The following PCDH11Y variants were observed in gnomAD, a reference collection of about 807,000 sequenced individuals.
PCDH11Y encodes the protein protocadherin-11 Y-linked.
For synonymous variants in PCDH11Y, 9 were observed against 83.6 expected (o/e 0.11, Z 4.87); for missense variants, 12 against 224.8 (o/e 0.05, Z 6.05).
exon 1 of PCDH11Y, chrY:5,056,797 A>C (rs2052661328): frequency 2.6e-6 from 1 of 382,983 alleles, no homozygotes; most frequent in Non-Finnish European, 3.7e-6. Context: ...TACTGATTTT[A>C]ATTTAAAACA....
intron 2 of PCDH11Y, among the ~76,000 whole-genome samples, chrY:5,438,528 C>T (rs2053277352): frequency 6.0e-5 from 2 of 33,298 alleles, no homozygotes; most frequent in East Asian, 1.6e-3. Context: ...AACAATCTGA[C>T]TTCATAGATC....
chrY:5,634,213 CAA>C (rs200817422), intron 4 of PCDH11Y, among the ~76,000 whole-genome samples: 7 of 10,845 alleles, frequency 6.5e-4, no homozygotes, highest in Non-Finnish European at 9.4e-4. Flanking sequence ...GATTCCACCT[CAA>C]AAAAAAAAAA....
At chrY:5,581,905 A>G in intron 4 of PCDH11Y, 107 bp downstream of exon 5, 1 of 223,104 alleles carries the variant, frequency 4.5e-6, no homozygotes, top group African/African-American at 8.3e-5. Context: ...CTCATAAAAC[A>G]TCAACTGTTT....
At chrY:5,037,986 C>G in intron 3 of PCDH11Y, among the ~76,000 whole-genome samples, 2 of 32,436 alleles carry the variant, frequency 6.2e-5, no homozygotes, top group Admixed American at 5.8e-4. Context: ...TATGATAATA[C>G]GAAAAGTGTT....
intron 2 of PCDH11Y, among the ~76,000 whole-genome samples, chrY:5,468,598 C>T (rs2053310238): frequency 1.1e-3 from 33 of 31,106 alleles, no homozygotes; most frequent in Admixed American, 3.0e-3. Context: ...TTCTCAATAG[C>T]GAGTGGAATG....
At chrY:5,531,212 A>G in intron 3 of PCDH11Y, among the ~76,000 whole-genome samples, 1 of 32,577 alleles carries the variant, frequency 3.1e-5, no homozygotes, top group Non-Finnish European at 7.5e-5. Flanking sequence ...ATATTGGTGT[A>G]TACCTAAACT....
At chrY:5,315,512 C>T in intron 2 of PCDH11Y, among the ~76,000 whole-genome samples, 1 of 33,730 alleles carries the variant, frequency 3.0e-5, no homozygotes, top group Admixed American at 2.7e-4. Flanking sequence ...TTTTGCCATT[C>T]TTCCATCAAC....
At chrY:5,192,351 A>AC (rs34420624) in intron 2 of PCDH11Y, among the ~76,000 whole-genome samples, 47 of 31,827 alleles carry the variant, frequency 1.5e-3, no homozygotes, top group African/African-American at 5.5e-3. Context: ...AAAAAGGAAG[A>AC]CCCCCCCTAG....
chrY:5,212,497 A>T lies in PCDH11Y; in HGVS notation c.3129+111790A>T, dbSNP rs1602887150. 9.4e-5 allele frequency among the ~76,000 whole-genome samples: 3 copies of T among 32,009 alleles called. No individual in the cohort carries two copies. The East Asian group carries it at 2.4e-3, about 26-fold the overall frequency. The allele number at this position is 32,009 out of a possible 37,273, so 85.9% of individuals were successfully genotyped here. A position where few individuals can be genotyped will look rare whatever the true frequency, so the allele number is the denominator to read the frequency against. On this transcript the variant is annotated intron_variant, in intron 2 of 4. Transcript: ENST00000400457. The stretch of plus-strand genomic sequence containing the variant: ...ATCTGGAGAGAAACCATTCTTATTC[A>T]TCTTTGTATCTCCCATGATATAATG...
intron 2 of PCDH11Y, among the ~76,000 whole-genome samples, chrY:5,219,331 C>CA (rs2052950063): frequency 3.1e-5 from 1 of 32,531 alleles, no homozygotes; most frequent in African/African-American, 1.2e-4. Context: ...ATCCCCCCCC[C>CA]ACAGTTTACA....
chrY:5,435,470 T>C (rs2053273987), intron 2 of PCDH11Y, among the ~76,000 whole-genome samples: 25 of 30,954 alleles, frequency 8.1e-4, no homozygotes, highest in Admixed American at 1.2e-3. Flanking sequence ...CCCGCCACCA[T>C]GCCCAGCTAA....
At chrY:5,598,125 T>C in intron 4 of PCDH11Y, among the ~76,000 whole-genome samples, 1 of 32,301 alleles carries the variant, frequency 3.1e-5, no homozygotes, top group Non-Finnish European at 7.6e-5. Context: ...CATACATTTA[T>C]TAATACATAT....
chrY:5,069,496 G>C, intron 1 of PCDH11Y, among the ~76,000 whole-genome samples: 2 of 33,516 alleles, frequency 6.0e-5, no homozygotes, highest in Non-Finnish European at 1.5e-4. Context: ...TTGTCTACAG[G>C]CCATTTGAGT....
chrY:5,375,931 TTTTG>T (rs2053197251), intron 2 of PCDH11Y, among the ~76,000 whole-genome samples: 1 of 32,646 alleles, frequency 3.1e-5, no homozygotes, highest in Non-Finnish European at 7.5e-5. Context: ...TATACTTCTG[TTTTG>T]TTTGTTTGCT....
downstream of PCDH11Y, among the ~76,000 whole-genome samples, chrY:5,109,050 G>C (rs2052800369): frequency 3.1e-5 from 1 of 32,650 alleles, no homozygotes; most frequent in Non-Finnish European, 7.5e-5. Context: ...GCTTCTTGTA[G>C]GTGCTTTTGT....
intron 2 of PCDH11Y, among the ~76,000 whole-genome samples, chrY:5,137,541 G>A (rs2052842013): frequency 3.1e-5 from 1 of 31,874 alleles, no homozygotes; most frequent in Non-Finnish European, 7.6e-5. Context: ...AACACATAAG[G>A]ACTCACATAA....
chrY:5,678,908 G>A, intron 4 of PCDH11Y, among the ~76,000 whole-genome samples: 1 of 32,274 alleles, frequency 3.1e-5, no homozygotes, highest in Non-Finnish European at 7.6e-5. Flanking sequence ...GAATGAAGCT[G>A]TGCTGGGCTT....
At chrY:5,315,402 G>T (rs2053106042) in intron 2 of PCDH11Y, among the ~76,000 whole-genome samples, 3 of 34,242 alleles carry the variant, frequency 8.8e-5, no homozygotes, top group Admixed American at 8.0e-4. Flanking sequence ...GACAAATGGA[G>T]ATCCAGTAAT....
intron 4 of PCDH11Y, among the ~76,000 whole-genome samples, chrY:5,597,820 G>A: frequency 9.3e-5 from 3 of 32,238 alleles, no homozygotes; most frequent in Non-Finnish European, 1.5e-4. Context: ...TGGGGACTTG[G>A]GGGAAAGGGT....
Sources: gnomAD v4.1 joint callset for allele counts (sites outside exome capture counted in the v4.1 genomes callset) on GRCh38, gnomAD v4.1.1 for gene constraint, MANE v1.5 for transcripts, NCBI Gene and HGNC (gene_info 2026-07-23, HGNC 2026-07-21) for gene names.